The following FBXL7 variants were observed in gnomAD, a reference collection of about 807,000 sequenced individuals.
FBXL7 encodes F-box/LRR-repeat protein 7.
A neutral mutation model predicts 38.3 loss-of-function variants in FBXL7; 12 were observed. The ratio of observed to expected loss-of-function variants is 0.31; its 90% CI spans 0.20 to 0.51. The LOEUF is 0.51. Ranked by LOEUF, FBXL7 falls within the 20% of genes least tolerant of loss-of-function variation. The probability of loss-of-function intolerance (pLI) is 0.98; values close to 1 mark genes in which losing one functional copy is unlikely to be tolerated. For synonymous variants in FBXL7, 297 were observed against 300.9 expected (o/e 0.99, Z 0.13); for missense variants, 567 against 676.4 (o/e 0.84, Z 1.79).
At chr5:15,563,998 G>A (rs1222296825) in intron 1 of FBXL7, among the ~76,000 whole-genome samples, 3 of 152,046 alleles carry the variant, frequency 2.0e-5, no homozygotes, top group African/African-American at 7.2e-5. Flanking sequence ...ATAAATTCAT[G>A]TCTTATGAAG....
chr5:15,664,883 T>C (rs1438081179), intron 2 of FBXL7, among the ~76,000 whole-genome samples: 1 of 152,114 alleles, frequency 6.6e-6, no homozygotes, highest in Admixed American at 6.5e-5. Flanking sequence ...AGTTTTTTTT[T>C]TTTTGGTCTA....
chr5:15,866,164 A>G (rs1739700715), intron 2 of FBXL7, among the ~76,000 whole-genome samples: 1 of 152,198 alleles, frequency 6.6e-6, no homozygotes, highest in African/African-American at 2.4e-5. Flanking sequence ...CCTTTTCCCT[A>G]GAAATTGTGC....
intron 2 of FBXL7, among the ~76,000 whole-genome samples, chr5:15,685,026 G>GGATT (rs1742971943): frequency 6.6e-6 from 1 of 152,016 alleles, no homozygotes; most frequent in Non-Finnish European, 1.5e-5. Context: ...TGAATAAAGA[G>GGATT]GATTTTTTTT....
At chr5:15,612,776 A>T (rs1390142207) in intron 1 of FBXL7, among the ~76,000 whole-genome samples, 1 of 152,190 alleles carries the variant, frequency 6.6e-6, no homozygotes, top group Non-Finnish European at 1.5e-5. Context: ...GGGTTCCCTG[A>T]GTTCGAGTAG....
intron 2 of FBXL7, among the ~76,000 whole-genome samples, chr5:15,622,349 C>T (rs1360968315): frequency 6.6e-6 from 1 of 151,554 alleles, no homozygotes; most frequent in Non-Finnish European, 1.5e-5. Flanking sequence ...AGGTTTGTTA[C>T]ATATGTATAC....
At chr5:15,520,707 T>C (rs923620441) in intron 1 of FBXL7, among the ~76,000 whole-genome samples, 24 of 152,376 alleles carry the variant, frequency 1.6e-4, no homozygotes, top group African/African-American at 5.8e-4. Context: ...TAAAATTACC[T>C]TTATTTAGCA....
At chr5:15,648,260 TC>T (rs1333806158) in intron 2 of FBXL7, among the ~76,000 whole-genome samples, 1 of 152,208 alleles carries the variant, frequency 6.6e-6, no homozygotes, top group Non-Finnish European at 1.5e-5. Flanking sequence ...TTATATGGTG[TC>T]TTCTTAAACC....
At chr5:15,716,926 G>A (rs539137790) in intron 2 of FBXL7, among the ~76,000 whole-genome samples, 6 of 151,940 alleles carry the variant, frequency 3.9e-5, no homozygotes, top group Admixed American at 6.6e-5. Context: ...TAGAGAAAGC[G>A]GTCTAGTCTT....
chr5:15,740,161 C>T (rs1662713051), intron 2 of FBXL7, among the ~76,000 whole-genome samples: 1 of 152,150 alleles, frequency 6.6e-6, no homozygotes, highest in Non-Finnish European at 1.5e-5. Flanking sequence ...CCCATAACTG[C>T]TTTCTTAGGT....
intron 2 of FBXL7, among the ~76,000 whole-genome samples, chr5:15,924,442 A>G (rs1340040670): frequency 6.6e-6 from 1 of 151,866 alleles, no homozygotes; most frequent in Non-Finnish European, 1.5e-5. Flanking sequence ...AGGTATGTCC[A>G]TCATCTGTTG....
Position 15,536,881 on chromosome 5 carries a change from C to A in FBXL7, c.37+36168C>A, listed in dbSNP as rs140562231. Among the ~76,000 whole-genome samples the A allele has an allele frequency of 6.0e-3, 909 of 151,902 alleles. 3 individuals are homozygous for A. The highest frequency in any genetic ancestry group is 8.0e-3 in the Non-Finnish European group (544 of 68,012). On this transcript the variant is annotated intron_variant, in intron 1 of 3. Coordinates refer to ENST00000504595, the MANE Select transcript of FBXL7 (RefSeq NM_012304.5). ...TTTGGCTCTGTGTCTTCACCCAAAT[C>A]TCATCTTGAATTGTAATCCCATGTG...
In FBXL7 at chr5:15,936,767, C is replaced by T. The variant is rs1742203256; in HGVS notation, c.1057C>T (p.Arg353Trp). The T allele has an allele frequency of 3.1e-6, 5 of 1,610,814 alleles. No individual in the cohort carries two copies. Among genetic ancestry groups the T allele is most frequent in the Non-Finnish European group, 3.4e-6 (4 of 1,179,290 alleles). ...REIAKLESRL[R>W]YLSIAHCGRV... ...GATCGCCAAGCTGGAGTCCCGCCTG[C>T]GGTACCTGAGCATCGCGCACTGCGG... Residue 353 changes from arginine to tryptophan, a missense_variant, in exon 4 of 4, where the codon CGG becomes TGG. Transcript: ENST00000504595. This position sits in a 1 kb window ranked among gnomAD's most constrained non-coding sequence, Gnocchi z 6.0.
intron 2 of FBXL7, among the ~76,000 whole-genome samples, chr5:15,622,278 A>T (rs1740676397): frequency 6.7e-6 from 1 of 149,558 alleles, no homozygotes. Context: ...TTTTATTTTT[A>T]TTTATTTATT....
chr5:15,825,183 A>C (rs568448444), intron 2 of FBXL7, among the ~76,000 whole-genome samples: 1 of 152,248 alleles, frequency 6.6e-6, no homozygotes, highest in Admixed American at 6.5e-5. Flanking sequence ...TCCAATTTTC[A>C]GTGTTTATTT....
chr5:15,780,456 G>A (rs1284403302), intron 2 of FBXL7, among the ~76,000 whole-genome samples: 1 of 152,110 alleles, frequency 6.6e-6, no homozygotes, highest in Non-Finnish European at 1.5e-5. Context: ...ACTGTATTTT[G>A]GGAGGTGGGA....
chr5:15,732,933 T>G (rs13180633), intron 2 of FBXL7, among the ~76,000 whole-genome samples: 1 of 152,180 alleles, frequency 6.6e-6, no homozygotes, highest in African/African-American at 2.4e-5. Flanking sequence ...ATATTATACG[T>G]TACATATTTA....
At chr5:15,573,550 G>A (rs892816638) in intron 1 of FBXL7, among the ~76,000 whole-genome samples, 1 of 152,160 alleles carries the variant, frequency 6.6e-6, no homozygotes, top group African/African-American at 2.4e-5. Flanking sequence ...ATTTTTATGG[G>A]AGGCATCACT....
At chr5:15,901,803 G>A (rs368025810) in intron 2 of FBXL7, among the ~76,000 whole-genome samples, 2 of 152,268 alleles carry the variant, frequency 1.3e-5, no homozygotes, top group African/African-American at 2.4e-5. Context: ...TTCTTGAAGA[G>A]TTTTAATCTG....
intron 2 of FBXL7, among the ~76,000 whole-genome samples, chr5:15,656,819 G>C (rs1741897360): frequency 2.0e-5 from 3 of 151,822 alleles, no homozygotes; most frequent in Admixed American, 6.6e-5. Context: ...ATGGTCATCT[G>C]CCTCATCAAA....
Sources: gnomAD v4.1 joint callset for allele counts (sites outside exome capture counted in the v4.1 genomes callset) on GRCh38, gnomAD v4.1.1 for gene constraint, Gnocchi (gnomAD v3.1) non-coding constraint, MANE v1.5 for transcripts, NCBI Gene and HGNC (gene_info 2026-07-23, HGNC 2026-07-21) for gene names.